The following NOL4 variants were observed in gnomAD, a reference collection of about 807,000 sequenced individuals.
NOL4 encodes cancer/testis antigen 125.
NOL4 carries 17 observed loss-of-function variants against 75.9 expected under a neutral mutation model. The observed-to-expected ratio is 0.22, with a 90% CI of 0.15 to 0.34. The LOEUF (loss-of-function observed/expected upper bound fraction) is 0.34, where lower values mean the gene tolerates loss of function less well. Ranked by LOEUF, NOL4 falls within the 10% of genes least tolerant of loss-of-function variation. The pLI is 1.00. For synonymous variants in NOL4, 292 were observed against 289.9 expected (o/e 1.01, Z -0.07); for missense variants, 614 against 793.5 (o/e 0.77, Z 2.72).
At chr18:34,007,995 T>C (rs552570790) in intron 6 of NOL4, among the ~76,000 whole-genome samples, 1 of 152,160 alleles carries the variant, frequency 6.6e-6, no homozygotes, top group Admixed American at 6.6e-5. Flanking sequence ...AAGATGTTTC[T>C]GGAAGAGATT....
intron 5 of NOL4, among the ~76,000 whole-genome samples, chr18:34,051,586 A>G (rs2076626990): frequency 6.6e-6 from 1 of 152,090 alleles, no homozygotes; most frequent in Admixed American, 6.6e-5. Context: ...GCTTTATTAG[A>G]TATTGTAGTA....
intron 1 of NOL4, among the ~76,000 whole-genome samples, chr18:34,160,204 G>A (rs998021533): frequency 6.6e-6 from 1 of 152,038 alleles, no homozygotes; most frequent in African/African-American, 2.4e-5. Flanking sequence ...AAAGAAAAAG[G>A]CAAAGAAACA....
At chr18:33,897,302 G>T (rs534431664) in intron 9 of NOL4, among the ~76,000 whole-genome samples, 2 of 152,074 alleles carry the variant, frequency 1.3e-5, no homozygotes, top group African/African-American at 2.4e-5. Context: ...CTACCATAAA[G>T]ATCATGCATG....
intron 10 of NOL4, among the ~76,000 whole-genome samples, chr18:33,853,515 T>C (rs1026236888): frequency 6.6e-6 from 1 of 152,094 alleles, no homozygotes; most frequent in African/African-American, 2.4e-5. Context: ...AAAAGGAAAC[T>C]AAGGACTAAA....
intron 9 of NOL4, among the ~76,000 whole-genome samples, chr18:33,926,302 G>A (rs956275294): frequency 7.7e-6 from 1 of 129,632 alleles, no homozygotes; most frequent in East Asian, 2.7e-4. Flanking sequence ...AGAGGTTGTA[G>A]TGAGCCGAGA....
intron 8 of NOL4, among the ~76,000 whole-genome samples, chr18:33,954,236 C>T (rs1033245935): frequency 2.6e-5 from 4 of 152,006 alleles, no homozygotes; most frequent in South Asian, 2.1e-4. Context: ...TAGGGAATAA[C>T]GACAAGTAAA....
intron 9 of NOL4, among the ~76,000 whole-genome samples, chr18:33,883,821 C>T (rs2064463520): frequency 6.6e-6 from 1 of 152,046 alleles, no homozygotes; most frequent in Non-Finnish European, 1.5e-5. Context: ...CATGGATGAA[C>T]TTAAGGACAT....
intron 5 of NOL4, among the ~76,000 whole-genome samples, chr18:34,056,745 CT>C (rs958073279): frequency 6.6e-6 from 1 of 151,876 alleles, no homozygotes; most frequent in East Asian, 1.9e-4. Flanking sequence ...TTACTAGGAT[CT>C]TTTTTTTGGT....
chr18:33,852,733 T>A lies in NOL4; in HGVS notation c.*109A>T. On this transcript the variant is annotated 3_prime_UTR_variant, in exon 11 of 11. Coordinates refer to ENST00000261592, the MANE Select transcript of NOL4 (RefSeq NM_003787.5). ...GACAATGTGGCATAATGGAAGTATT[T>A]CTCTTAAAAGACTGTGCAGTAAGAC... is the stretch of plus-strand genomic sequence containing the variant. 2 of 932,056 alleles carry A rather than the reference T, an allele frequency of 2.1e-6. No homozygotes were observed. The highest frequency in any genetic ancestry group is 3.3e-5 in the South Asian group (2 of 60,232). 57.7% of individuals were successfully genotyped at this position (932,056 alleles called of 1,614,324 possible). A position where few individuals can be genotyped will look rare whatever the true frequency, so the allele number is the denominator to read the frequency against.
intron 8 of NOL4, among the ~76,000 whole-genome samples, chr18:33,951,282 C>A (rs2069199264): frequency 6.6e-6 from 1 of 152,086 alleles, no homozygotes; most frequent in Non-Finnish European, 1.5e-5. Flanking sequence ...CTGAGCTGGG[C>A]ATTGATTTGT....
chr18:34,162,333 A>C (rs535420060), intron 1 of NOL4, among the ~76,000 whole-genome samples: 10 of 152,316 alleles, frequency 6.6e-5, no homozygotes, highest in Admixed American at 2.0e-4. Flanking sequence ...AAATTGATAG[A>C]CCGCTAGCAA....
intron 5 of NOL4, among the ~76,000 whole-genome samples, chr18:34,050,995 T>C (rs2076602879): frequency 6.6e-6 from 1 of 152,074 alleles, no homozygotes; most frequent in Admixed American, 6.6e-5. Flanking sequence ...ACTGCATTAC[T>C]AATCTCTCTC....
At chr18:34,046,968 G>A (rs2076407942) in intron 5 of NOL4, among the ~76,000 whole-genome samples, 1 of 151,990 alleles carries the variant, frequency 6.6e-6, no homozygotes, top group Admixed American at 6.6e-5. Context: ...TTCATTGAGA[G>A]GGACTCCCTG....
intron 2 of NOL4, among the ~76,000 whole-genome samples, chr18:34,113,151 G>T (rs1373544280): frequency 6.6e-6 from 1 of 151,884 alleles, no homozygotes; most frequent in East Asian, 1.9e-4. Context: ...GTTTTGTTTT[G>T]TTTTGTTTGG....
intron 6 of NOL4, among the ~76,000 whole-genome samples, chr18:33,996,931 G>C (rs1235683059): frequency 6.6e-6 from 1 of 151,840 alleles, no homozygotes; most frequent in Non-Finnish European, 1.5e-5. Context: ...TATATACCCA[G>C]TAATGGGATT....
At chr18:34,185,082 G>C (rs2034351154) in intron 1 of NOL4, among the ~76,000 whole-genome samples, 2 of 151,960 alleles carry the variant, frequency 1.3e-5, no homozygotes, top group Non-Finnish European at 1.5e-5. Context: ...CTGTCTCATG[G>C]TTCCATTTAT....
chr18:33,908,810 C>A (rs2066219517), intron 9 of NOL4, among the ~76,000 whole-genome samples: 3 of 152,000 alleles, frequency 2.0e-5, no homozygotes, highest in Admixed American at 1.3e-4. Flanking sequence ...GGATTTAAAA[C>A]AAGTTGCATA....
At chr18:34,129,549 A>C (rs1198916528) in intron 2 of NOL4, among the ~76,000 whole-genome samples, 1 of 151,592 alleles carries the variant, frequency 6.6e-6, no homozygotes, top group East Asian at 1.9e-4. Context: ...CATAATTCAT[A>C]TGCTATGACT....
intron 10 of NOL4, among the ~76,000 whole-genome samples, chr18:33,882,988 T>C (rs531394615): frequency 1.1e-4 from 17 of 151,948 alleles, no homozygotes; most frequent in Non-Finnish European, 2.1e-4. Context: ...TTCTCATTCA[T>C]AGGTGGGAAT....
Sources: allele counts gnomAD v4.1 joint callset (sites outside exome capture counted in the v4.1 genomes callset), GRCh38; gene constraint gnomAD v4.1.1; transcripts MANE v1.5; gene names NCBI Gene and HGNC (gene_info 2026-07-23, HGNC 2026-07-21).